Variants in CDKL3 observed in about 807,000 individuals in gnomAD.
The protein encoded by CDKL3 is cyclin-dependent kinase-like 3.
CDKL3 carries 65 observed loss-of-function variants against 69.3 expected under a neutral mutation model. The observed-to-expected ratio is 0.94, with a 90% CI of 0.77 to 1.15. CDKL3 has a LOEUF of 1.15. Among genes scored for constraint, CDKL3 ranks in the 50% most tolerant of loss-of-function variants. The pLI is 0.00. For missense variants in CDKL3, 652 were observed against 689.2 expected, an observed-to-expected ratio of 0.95 and a Z score of 0.61; for synonymous variants, 202 against 221.6, an observed-to-expected ratio of 0.91 and a Z score of 0.79.
At chr5:134,300,065 G>A (rs1034395210) in intron 12 of CDKL3, among the ~76,000 whole-genome samples, 1 of 152,194 alleles carries the variant, frequency 6.6e-6, no homozygotes, top group East Asian at 1.9e-4. Context: ...CTGGCAGGGC[G>A]TGGTGGCTCA....
chr5:134,325,122 G>A (rs1773798064), intron 4 of CDKL3, among the ~76,000 whole-genome samples: 1 of 152,162 alleles, frequency 6.6e-6, no homozygotes, highest in Non-Finnish European at 1.5e-5. Flanking sequence ...AAGCTGCAGT[G>A]AGCCATGAGT....
chr5:134,343,774 T>C (rs1751126893), intron 4 of CDKL3, among the ~76,000 whole-genome samples: 1 of 152,160 alleles, frequency 6.6e-6, no homozygotes. Flanking sequence ...ACCTGATCAA[T>C]CAGAACTCCC....
At chr5:134,365,524 C>A (rs918932304) in intron 2 of CDKL3, among the ~76,000 whole-genome samples, 1 of 152,098 alleles carries the variant, frequency 6.6e-6, no homozygotes, top group African/African-American at 2.4e-5. Flanking sequence ...TCCAAAATTC[C>A]TTAATTGAAC....
intron 1 of CDKL3, 96 bp downstream of exon 1, chr5:134,366,881 C>T (rs772064788): frequency 3.0e-6 from 3 of 1,003,246 alleles, no homozygotes; most frequent in African/African-American, 1.7e-5. Flanking sequence ...ATAATAGGTT[C>T]CCGCACTACT....
At chr5:134,288,502 T>G (rs1764978340) in intron 8 of CDKL3, among the ~76,000 whole-genome samples, 1 of 152,220 alleles carries the variant, frequency 6.6e-6, no homozygotes, top group South Asian at 2.1e-4. Context: ...GCCAACTTTA[T>G]GTCTAAATAA....
chr5:134,287,946 G>A (rs973553283), intron 8 of CDKL3, among the ~76,000 whole-genome samples: 1 of 147,738 alleles, frequency 6.8e-6, no homozygotes, highest in South Asian at 2.1e-4. Flanking sequence ...CCAGGCTAGA[G>A]TGCAATGGTG....
intron 4 of CDKL3, among the ~76,000 whole-genome samples, chr5:134,339,077 C>T (rs918247966): frequency 1.3e-5 from 2 of 151,536 alleles, no homozygotes; most frequent in Non-Finnish European, 2.9e-5. Flanking sequence ...ACTGCTTGAA[C>T]CCGGAGGCAG....
intron 8 of CDKL3, among the ~76,000 whole-genome samples, chr5:134,290,057 C>T (rs1251224191): frequency 2.0e-5 from 3 of 151,956 alleles, no homozygotes; most frequent in Non-Finnish European, 4.4e-5. Context: ...GTGAACAAGA[C>T]GTTAAAACTT....
chr5:134,299,536 A>T (rs1765802214), intron 12 of CDKL3: 2 of 1,203,340 alleles, frequency 1.7e-6, no homozygotes, highest in Non-Finnish European at 2.1e-6. Flanking sequence ...TAATAAATTT[A>T]AAAACAAATT....
intron 10 of CDKL3, 59 bp from the exon 11 acceptor site, chr5:134,304,626 A>G (rs940391985): frequency 7.2e-7 from 1 of 1,390,494 alleles, no homozygotes; most frequent in Non-Finnish European, 9.8e-7. Context: ...TAGAATGACA[A>G]TCCTAGAATT....
intron 8 of CDKL3, among the ~76,000 whole-genome samples, chr5:134,291,859 A>C (rs1481347910): frequency 1.3e-5 from 2 of 152,218 alleles, no homozygotes; most frequent in Non-Finnish European, 2.9e-5. Context: ...TTAAATAATA[A>C]TAAAACTGTA....
At chr5:134,344,734 G>A (rs941061608) in intron 4 of CDKL3, among the ~76,000 whole-genome samples, 6 of 152,126 alleles carry the variant, frequency 3.9e-5, no homozygotes, top group Non-Finnish European at 8.8e-5. Flanking sequence ...AATCAGCCTA[G>A]TCAAAATAGC....
At chr5:134,352,611 AT>A (rs1753597805) in intron 3 of CDKL3, among the ~76,000 whole-genome samples, 1 of 151,548 alleles carries the variant, frequency 6.6e-6, no homozygotes. Context: ...ACCTTTGCCC[AT>A]TTTTTATTTA....
intron 3 of CDKL3, among the ~76,000 whole-genome samples, chr5:134,355,414 T>TA (rs1754360520): frequency 6.6e-6 from 1 of 152,092 alleles, no homozygotes; most frequent in East Asian, 1.9e-4. Flanking sequence ...AAATTCCACT[T>TA]TTACTAAGAT....
intron 4 of CDKL3, among the ~76,000 whole-genome samples, chr5:134,322,304 G>A (rs1773007239): frequency 1.3e-5 from 2 of 152,210 alleles, no homozygotes; most frequent in South Asian, 2.1e-4. Context: ...GAGCCACCAC[G>A]CCTGGCCCAT....
At chr5:134,362,309 C>T (rs1026401443) in intron 2 of CDKL3, among the ~76,000 whole-genome samples, 7 of 152,130 alleles carry the variant, frequency 4.6e-5, no homozygotes, top group African/African-American at 1.4e-4. Context: ...CACCTGAGGT[C>T]GGGAGTTCGA....
intron 3 of CDKL3, among the ~76,000 whole-genome samples, chr5:134,352,234 T>C (rs1266003971): frequency 6.6e-6 from 1 of 152,188 alleles, no homozygotes; most frequent in Non-Finnish European, 1.5e-5. Flanking sequence ...TATGGCTGAA[T>C]AGTGCTCCAT....
intron 4 of CDKL3, among the ~76,000 whole-genome samples, chr5:134,331,854 T>G (rs1200988354): frequency 3.3e-5 from 5 of 152,176 alleles, no homozygotes; most frequent in African/African-American, 1.2e-4. Context: ...TATTTCTAGT[T>G]CTCGATCCTT....
rs1047702344 is a variant in CDKL3, at chr5:134,302,622, G to C, written c.1687C>G (p.Leu563Val). 12 of 1,599,856 alleles carry C rather than the reference G, an allele frequency of 7.5e-6. No individual in the cohort carries two copies. Among genetic ancestry groups the C allele is most frequent in the Non-Finnish European group, 9.4e-6 (11 of 1,171,716 alleles). Residue 563 changes from leucine (L) to valine (V), a missense_variant, in exon 12 of 13, where the codon CTT becomes GTT. Leu to Val is a conservative substitution (Grantham distance 32). Coordinates refer to ENST00000265334, the MANE Select transcript of CDKL3 (RefSeq NM_001113575.2). ...KTESSKIPTL[L>V]NVDQNQEKQE... The stretch of plus-strand genomic sequence containing the variant: ...TTTTCTTGATTTTGATCCACGTTAA[G>C]TAAAGTTGGTATCTTAGATGACTCT...
Sources: gnomAD v4.1 joint callset for allele counts (sites outside exome capture counted in the v4.1 genomes callset) on GRCh38, gnomAD v4.1.1 for gene constraint, MANE v1.5 for transcripts, NCBI Gene and HGNC (gene_info 2026-07-23, HGNC 2026-07-21) for gene names.